The following ASAP2 variants were observed in gnomAD, a reference collection of about 807,000 sequenced individuals.
ASAP2 encodes ArfGAP with SH3 domain, ankyrin repeat and PH domain 2, also known as arf-GAP with SH3 domain, ANK repeat and PH domain-containing protein 2.
A neutral mutation model predicts 131.4 loss-of-function variants in ASAP2; 45 were observed. The observed-to-expected ratio is 0.34, with a 90% CI of 0.27 to 0.44. The LOEUF (loss-of-function observed/expected upper bound fraction) is 0.44. ASAP2 is among the 20% of genes least tolerant of loss of function. The pLI, the probability that ASAP2 is intolerant of heterozygous loss-of-function variation, is 1.00. For missense variants in ASAP2, 1,011 were observed against 1,297.0 expected (o/e 0.78, Z 3.39); for synonymous variants, 510 against 503.0 (o/e 1.01, Z -0.19).
At chr2:9,270,229 T>A (rs1178365754) in intron 1 of ASAP2, among the ~76,000 whole-genome samples, 1 of 152,128 alleles carries the variant, frequency 6.6e-6, no homozygotes, top group Admixed American at 6.5e-5. Flanking sequence ...TTCTTGCCTT[T>A]GTTTGTGTTT....
intron 3 of ASAP2, among the ~76,000 whole-genome samples, chr2:9,307,030 C>T (rs1321121908): frequency 1.3e-5 from 2 of 152,180 alleles, no homozygotes; most frequent in Non-Finnish European, 2.9e-5. Context: ...TGCCCTGGAG[C>T]AGAGGTCCTC....
intron 1 of ASAP2, among the ~76,000 whole-genome samples, chr2:9,247,276 C>T (rs868116805): frequency 6.6e-5 from 10 of 152,190 alleles, no homozygotes; most frequent in Non-Finnish European, 8.8e-5. Flanking sequence ...ATGAACTCTT[C>T]GCTCCTCAAT....
chr2:9,393,058 CA>C (rs1432265438), intron 23 of ASAP2, among the ~76,000 whole-genome samples: 1 of 152,220 alleles, frequency 6.6e-6, no homozygotes, highest in Admixed American at 6.5e-5. Flanking sequence ...CCCTGCCCAG[CA>C]GCCCGATGAA....
chr2:9,236,596 T>C (rs1663568517), intron 1 of ASAP2, among the ~76,000 whole-genome samples: 1 of 152,220 alleles, frequency 6.6e-6, no homozygotes, highest in Non-Finnish European at 1.5e-5. Context: ...GAGGATTTTT[T>C]ACCGGAGAGG....
intron 1 of ASAP2, among the ~76,000 whole-genome samples, chr2:9,225,574 G>T (rs1225816439): frequency 6.6e-6 from 1 of 152,222 alleles, no homozygotes; most frequent in Non-Finnish European, 1.5e-5. Flanking sequence ...GGCTGAGCAT[G>T]TCAGTTGGAA....
chr2:9,375,522 C>T (rs945581679), intron 17 of ASAP2, among the ~76,000 whole-genome samples: 4 of 152,170 alleles, frequency 2.6e-5, no homozygotes, highest in African/African-American at 9.7e-5. Context: ...TATCCATTAC[C>T]TCACAGGCTC....
chr2:9,370,081 G>GC (rs764546518), intron 16 of ASAP2, among the ~76,000 whole-genome samples: 88 of 152,224 alleles, frequency 5.8e-4, no homozygotes, highest in Middle Eastern at 6.8e-3. Flanking sequence ...CTCGTGATCT[G>GC]CCCACCTTGG....
intron 20 of ASAP2, among the ~76,000 whole-genome samples, chr2:9,383,220 G>A (rs1231966799): frequency 6.6e-6 from 1 of 151,870 alleles, no homozygotes; most frequent in Non-Finnish European, 1.5e-5. Flanking sequence ...TTATCTATAG[G>A]ATCAATTGGG....
At chr2:9,283,132 C>T (rs1487676333) in intron 2 of ASAP2, among the ~76,000 whole-genome samples, 2 of 152,064 alleles carry the variant, frequency 1.3e-5, no homozygotes, top group Admixed American at 6.5e-5. Flanking sequence ...GGCTGGAGTG[C>T]AGTGGCATGA....
intron 9 of ASAP2, among the ~76,000 whole-genome samples, chr2:9,336,592 T>C (rs1198049532): frequency 6.6e-6 from 1 of 152,164 alleles, no homozygotes; most frequent in Non-Finnish European, 1.5e-5. Context: ...TTTAGTAGGA[T>C]TTTGGTAAAC....
intron 24 of ASAP2, among the ~76,000 whole-genome samples, chr2:9,397,276 T>G (rs942407735): frequency 5.3e-5 from 8 of 152,204 alleles, no homozygotes; most frequent in African/African-American, 9.7e-5. Context: ...TTATTGGGAC[T>G]CTGAGAACCG....
At position 9,368,612 on chromosome 2, in the gene ASAP2, T is replaced by C. The variant is rs573084337; in HGVS notation, c.1556+93T>C. The C allele has an allele frequency of 1.1e-5, 11 of 1,017,440 alleles. No individual in the cohort carries two copies. In the East Asian group the frequency reaches 2.4e-4, roughly 22 times the overall value. 63.0% of individuals were successfully genotyped at this position (1,017,440 alleles called of 1,614,324 possible). On this transcript the variant is annotated intron_variant, in intron 16 of 27. Transcript: ENST00000281419. ...AGGGGAATAAGAAGTTTTGGGTGCA[T>C]CCATCGTTGCTTCTTTAGGGAATAA...
intron 2 of ASAP2, among the ~76,000 whole-genome samples, chr2:9,286,113 C>A (rs1249497876): frequency 6.6e-6 from 1 of 152,116 alleles, no homozygotes; most frequent in Non-Finnish European, 1.5e-5. Flanking sequence ...TAAGAAGATA[C>A]TGGCTGGGCA....
At chr2:9,397,750 A>ATATATATATATATT (rs1343127000) in intron 24 of ASAP2, among the ~76,000 whole-genome samples, 1 of 44,808 alleles carries the variant, frequency 2.2e-5, no homozygotes, top group African/African-American at 1.7e-4. Flanking sequence ...ATATATATAT[A>ATATATATATATATT]TTTTTTTTTT....
At chr2:9,227,115 G>A (rs1055825049) in intron 1 of ASAP2, among the ~76,000 whole-genome samples, 7 of 152,148 alleles carry the variant, frequency 4.6e-5, no homozygotes, top group Non-Finnish European at 2.9e-5. Context: ...TCTGCCATCC[G>A]GCGTCTCCAG....
rs748051503 is a variant in ASAP2, at chr2:9,356,096, G to GT, written c.1160+2dup. ...CTGAAGATGAACAGGAATGTCAAAT[G>GT]TAAGTTACATGGTGGTGGGACTTTG... On this transcript the variant is annotated splice_donor_variant, in intron 13 of 27. Coordinates refer to ENST00000281419, the MANE Select transcript of ASAP2 (RefSeq NM_003887.3). LOFTEE classifies it high-confidence loss of function. The GT allele has an allele frequency of 6.2e-7, 1 of 1,614,204 alleles. No individual in the cohort carries two copies. Among genetic ancestry groups the GT allele is most frequent in the Non-Finnish European group, 8.5e-7 (1 of 1,180,044 alleles).
Position 9,389,193 on chromosome 2 carries a change from G to A in ASAP2, c.2383+647G>A, listed in dbSNP as rs1239607290. Among the ~76,000 whole-genome samples, 1 of 152,234 alleles carries A rather than the reference G, an allele frequency of 6.6e-6. No individual in the cohort carries two copies. Among genetic ancestry groups the A allele is most frequent in the Non-Finnish European group, 1.5e-5 (1 of 68,046 alleles). ...GTTAAGTAATTTGTTCATTCCTGAA[G>A]AGCAGCTGGCTACGGTGCTTCTTGA... On this transcript the variant is annotated intron_variant, in intron 22 of 27. Transcript: ENST00000281419. This position sits in a 1 kb window ranked among gnomAD's most constrained non-coding sequence, Gnocchi z 4.7.
At chr2:9,261,402 C>G (rs547205385) in intron 1 of ASAP2, among the ~76,000 whole-genome samples, 2 of 152,274 alleles carry the variant, frequency 1.3e-5, no homozygotes, top group African/African-American at 2.4e-5. Context: ...TCAGTTTCTT[C>G]TCCTTTAAGC....
chr2:9,244,953 C>T (rs532318884), intron 1 of ASAP2, among the ~76,000 whole-genome samples: 4 of 152,224 alleles, frequency 2.6e-5, no homozygotes, highest in East Asian at 1.9e-4. Context: ...CAGGGTGACA[C>T]GATGGTGTGT....
Sources: allele counts gnomAD v4.1 joint callset (sites outside exome capture counted in the v4.1 genomes callset), GRCh38; gene constraint gnomAD v4.1.1; non-coding constraint Gnocchi (gnomAD v3.1); transcripts MANE v1.5; gene names NCBI Gene and HGNC (gene_info 2026-07-23, HGNC 2026-07-21).